BCL11A: variants seen among roughly 807,000 people sequenced by gnomAD.
BCL11A encodes the protein B cell CLL/lymphoma 11A.
In BCL11A, 2 loss-of-function variants were observed where a neutral mutation model predicts 55.9. The observed-to-expected ratio is 0.04, with a 90% CI of 0.01 to 0.11. The LOEUF (loss-of-function observed/expected upper bound fraction) is 0.11, where lower values mean the gene tolerates loss of function less well. Ranked by LOEUF, BCL11A falls within the 10% of genes least tolerant of loss-of-function variation. The pLI, the probability that BCL11A is intolerant of heterozygous loss-of-function variation, is 1.00. For missense variants in BCL11A, 817 were observed against 1,137.1 expected (o/e 0.72, Z 4.05); for synonymous variants, 465 against 473.4 (o/e 0.98, Z 0.23).
chr2:60,459,125 A>C lies in BCL11A; in HGVS notation c.*1279T>G, dbSNP rs1340620247. 1 of 1,022,860 alleles carries C rather than the reference A, an allele frequency of 9.8e-7. No individual in the cohort carries two copies. Among genetic ancestry groups the C allele is most frequent in the Non-Finnish European group, 1.2e-6 (1 of 851,766 alleles). 63.4% of individuals were successfully genotyped at this position (1,022,860 alleles called of 1,614,324 possible). A position where few individuals can be genotyped will look rare whatever the true frequency, so the allele number is the denominator to read the frequency against. ...TGGCAAATAGTACCACGTTGTGCTA[A>C]TAAATCATATTATTTTCTTCTGTTC... On this transcript the variant is annotated 3_prime_UTR_variant, in exon 4 of 4. Coordinates refer to ENST00000642384, the MANE Select transcript of BCL11A (RefSeq NM_022893.4).
intron 2 of BCL11A, among the ~76,000 whole-genome samples, chr2:60,485,574 A>T (rs892730028): frequency 6.6e-6 from 1 of 152,238 alleles, no homozygotes; most frequent in Non-Finnish European, 1.5e-5. Context: ...GCAAAAGCCA[A>T]TCAACTCATT....
chr2:60,486,498 C>A (rs1678285485), intron 2 of BCL11A, among the ~76,000 whole-genome samples: 1 of 152,192 alleles, frequency 6.6e-6, no homozygotes, highest in South Asian at 2.1e-4. Context: ...ACCTACCAAT[C>A]TAAGATACTG....
chr2:60,475,112 T>C (rs1276494683), intron 2 of BCL11A, among the ~76,000 whole-genome samples: 1 of 152,140 alleles, frequency 6.6e-6, no homozygotes, highest in Non-Finnish European at 1.5e-5. Flanking sequence ...AAGCCCAAGG[T>C]GGGCACAGAG....
chr2:60,503,198 A>G (rs1051035504), intron 2 of BCL11A, among the ~76,000 whole-genome samples: 4 of 152,212 alleles, frequency 2.6e-5, no homozygotes, highest in African/African-American at 9.7e-5. Flanking sequence ...TGGAGAAGCC[A>G]CATCACCCTT....
At chr2:60,486,114 A>G (rs1464250380) in intron 2 of BCL11A, among the ~76,000 whole-genome samples, 1 of 152,210 alleles carries the variant, frequency 6.6e-6, no homozygotes, top group Non-Finnish European at 1.5e-5. Flanking sequence ...GAGAACTGTG[A>G]CAAGCTGTTC....
chr2:60,509,162 T>C (rs1176699296), intron 2 of BCL11A, among the ~76,000 whole-genome samples: 1 of 152,248 alleles, frequency 6.6e-6, no homozygotes, highest in Non-Finnish European at 1.5e-5. Context: ...ATTCAGGCCC[T>C]TGCAAATTAC....
chr2:60,541,059 GT>G (rs1372980312), intron 2 of BCL11A, among the ~76,000 whole-genome samples: 2 of 151,398 alleles, frequency 1.3e-5, no homozygotes, highest in Admixed American at 1.3e-4. Flanking sequence ...GGGAAACTTT[GT>G]CCCCCTCTGC....
At chr2:60,550,052 C>G (rs1287551677) in intron 1 of BCL11A, 1 of 152,104 alleles carries the variant, frequency 6.6e-6, no homozygotes, top group Non-Finnish European at 1.5e-5. Context: ...GCAAGCCAGC[C>G]GAGGCCACCG....
intron 1 of BCL11A, among the ~76,000 whole-genome samples, chr2:60,552,205 G>C (rs1670440680): frequency 6.6e-6 from 1 of 151,690 alleles, no homozygotes; most frequent in Non-Finnish European, 1.5e-5. Flanking sequence ...GTTTGGCTTC[G>C]GTTTGGGGGC....
At chr2:60,532,961 T>G (rs757292173) in intron 2 of BCL11A, 1 of 152,242 alleles carries the variant, frequency 6.6e-6, no homozygotes, top group Non-Finnish European at 1.5e-5. Context: ...GAATTATTTG[T>G]GTACTTGACA....
intron 2 of BCL11A, among the ~76,000 whole-genome samples, chr2:60,471,011 C>G (rs535427996): frequency 1.7e-4 from 26 of 152,172 alleles, no homozygotes; most frequent in Non-Finnish European, 8.8e-5. Flanking sequence ...TCTCTTCCCC[C>G]CTGCTGCTCC....
intron 2 of BCL11A, among the ~76,000 whole-genome samples, chr2:60,520,720 C>T (rs1314462905): frequency 6.7e-6 from 1 of 148,844 alleles, no homozygotes; most frequent in Admixed American, 6.7e-5. Context: ...CAGTCCCCCA[C>T]CCCCACCCCA....
At chr2:60,476,444 T>C (rs1274156086) in intron 2 of BCL11A, among the ~76,000 whole-genome samples, 2 of 152,148 alleles carry the variant, frequency 1.3e-5, no homozygotes, top group Admixed American at 1.3e-4. Context: ...CTGGCACCCA[T>C]TGCTCACAAA....
downstream of BCL11A, chr2:60,452,483 C>T: frequency 9.1e-7 from 1 of 1,097,438 alleles, no homozygotes; most frequent in African/African-American, 1.5e-5. Flanking sequence ...AGGCTACTGT[C>T]AGAAAACATC....
At chr2:60,454,747 G>C (rs1675867560), downstream of BCL11A, among the ~76,000 whole-genome samples, 1 of 152,158 alleles carries the variant, frequency 6.6e-6, no homozygotes, top group African/African-American at 2.4e-5. Flanking sequence ...AGCAAACTGT[G>C]TCTGTGAATA....
intron 2 of BCL11A, among the ~76,000 whole-genome samples, chr2:60,532,585 G>GA (rs993267056): frequency 6.6e-6 from 1 of 151,854 alleles, no homozygotes; most frequent in Admixed American, 6.6e-5. Flanking sequence ...AAAAAGGAAA[G>GA]AAAAAAAGAA....
Position 60,553,317 on chromosome 2 carries a change from C to T in BCL11A, c.-47G>A. On this transcript the variant is annotated 5_prime_UTR_variant, in exon 1 of 4. Transcript: ENST00000642384. ...CGGCGGCGGCGGCGGCGGCGGCGGG[C>T]GGACGACGGCTCGGTTCACATCGGG... is the stretch of plus-strand genomic sequence containing the variant. 3.4e-6 allele frequency: 5 copies of T among 1,487,126 alleles called. No individual in the cohort carries two copies. The highest frequency in any genetic ancestry group is 3.6e-6 in the Non-Finnish European group (4 of 1,112,670). 92.1% of individuals were successfully genotyped at this position (1,487,126 alleles called of 1,614,324 possible).
intron 2 of BCL11A, among the ~76,000 whole-genome samples, chr2:60,539,445 G>A (rs1669821573): frequency 6.6e-6 from 1 of 152,168 alleles, no homozygotes; most frequent in South Asian, 2.1e-4. Context: ...TAGACCCCAA[G>A]TTACTAACCC....
intron 2 of BCL11A, among the ~76,000 whole-genome samples, chr2:60,472,044 TCCAGGAC>T (rs1677233374): frequency 6.6e-6 from 1 of 152,174 alleles, no homozygotes; most frequent in South Asian, 2.1e-4. Context: ...TTCCCTCCTG[TCCAGGAC>T]CCACCTCCTT....
Sources: gnomAD v4.1 joint callset for allele counts (sites outside exome capture counted in the v4.1 genomes callset) on GRCh38, gnomAD v4.1.1 for gene constraint, MANE v1.5 for transcripts, NCBI Gene and HGNC (gene_info 2026-07-23, HGNC 2026-07-21) for gene names.